The following TUSC3 variants were observed in gnomAD, a reference collection of about 807,000 sequenced individuals.
The protein encoded by TUSC3 is tumor suppressor candidate 3, also known as dolichyl-diphosphooligosaccharide--protein glycosyltransferase subunit TUSC3.
TUSC3 carries 45 observed loss-of-function variants against 44.8 expected under a neutral mutation model. That is an observed-to-expected ratio of 1.00 (90% CI 0.79 to 1.29). The LOEUF (loss-of-function observed/expected upper bound fraction) is 1.29, where lower values mean the gene tolerates loss of function less well. Ranked by LOEUF, TUSC3 falls within the 50% of genes most tolerant of loss-of-function variation. The probability of loss-of-function intolerance (pLI) is 0.00; values close to 1 mark genes in which losing one functional copy is unlikely to be tolerated. For synonymous variants in TUSC3, 212 were observed against 152.9 expected (o/e 1.39, Z -2.85); for missense variants, 519 against 437.9 (o/e 1.19, Z -1.65).
chr8:15,800,927 T>TA, the TUSC3 span, among the ~76,000 whole-genome samples: 2 of 152,190 alleles, frequency 1.3e-5, no homozygotes, highest in African/African-American at 4.8e-5. Flanking sequence ...TCTGGTCACT[T>TA]AATCATCTAT....
chr8:15,797,185 G>A, the TUSC3 span, among the ~76,000 whole-genome samples: 1 of 152,204 alleles, frequency 6.6e-6, no homozygotes, highest in South Asian at 2.1e-4. Flanking sequence ...AAAATGGAAA[G>A]CGTATTTCAG....
At chr8:15,583,648 T>C (rs1320633622) in intron 1 of TUSC3, among the ~76,000 whole-genome samples, 1 of 152,202 alleles carries the variant, frequency 6.6e-6, no homozygotes, top group African/African-American at 2.4e-5. Context: ...CTTAGTGGGA[T>C]AGCAGGATAG....
At chr8:15,816,555 G>A in the TUSC3 span, among the ~76,000 whole-genome samples, 1 of 152,136 alleles carries the variant, frequency 6.6e-6, no homozygotes, top group African/African-American at 2.4e-5. Context: ...CTATCCCTGG[G>A]AATTTCTGGA....
At chr8:15,517,522 C>CAAAAAAA (rs71211049) in intron 2 of TUSC3, among the ~76,000 whole-genome samples, 9 of 77,562 alleles carry the variant, frequency 1.2e-4, no homozygotes, top group African/African-American at 4.1e-4. Flanking sequence ...TAGCGTGAGG[C>CAAAAAAA]AAAAAAAAAA....
chr8:15,652,224 A>G (rs1321897089), intron 3 of TUSC3, among the ~76,000 whole-genome samples: 7 of 152,222 alleles, frequency 4.6e-5, no homozygotes, highest in Non-Finnish European at 7.3e-5. Context: ...ACTCTTTGGT[A>G]TAATGCTTAC....
chr8:15,711,463 CGT>C (rs36058270), intron 6 of TUSC3, among the ~76,000 whole-genome samples: 1,530 of 144,958 alleles, frequency 0.011, 15 homozygotes, highest in East Asian at 0.028. Flanking sequence ...CAAAAAGGTA[CGT>C]GTGTGTGTGT....
chr8:15,728,743 A>C (rs1473295608), intron 6 of TUSC3, among the ~76,000 whole-genome samples: 1 of 152,134 alleles, frequency 6.6e-6, no homozygotes, highest in African/African-American at 2.4e-5. Flanking sequence ...CTGGATGACA[A>C]CACCTGGGAA....
intron 4 of TUSC3, among the ~76,000 whole-genome samples, chr8:15,661,703 G>C (rs1479352339): frequency 6.6e-6 from 1 of 151,942 alleles, no homozygotes; most frequent in Non-Finnish European, 1.5e-5. Context: ...CTATACTACA[G>C]TCTTCGTGTT....
rs758547761 is a variant in TUSC3, at chr8:15,577,055, A to G, written c.138+36487A>G. ...TGTGGTTTTGATTTGCATTTCTCTGATGGCCAGTGATGATGAGCATTTTTT... is the reference window on the plus strand; with the variant it reads ...TGTGGTTTTGATTTGCATTTCTCTGGTGGCCAGTGATGATGAGCATTTTTT... On this transcript the variant is annotated intron_variant, in intron 1 of 10. Coordinates refer to ENST00000503731, the MANE Select transcript of TUSC3 (RefSeq NM_006765.4). 8.9e-3 allele frequency among the ~76,000 whole-genome samples: 1,269 copies of G among 142,888 alleles called. 9 individuals are homozygous for G. The highest frequency in any genetic ancestry group is 0.015 in the Non-Finnish European group (952 of 64,504). The allele number at this position is 142,888 out of a possible 152,430, so 93.7% of individuals were successfully genotyped here.
the TUSC3 span, among the ~76,000 whole-genome samples, chr8:15,836,998 A>G: frequency 6.6e-6 from 1 of 151,716 alleles, no homozygotes; most frequent in Non-Finnish European, 1.5e-5. Flanking sequence ...TTTTTTTTCT[A>G]TGTTAAATAA....
intron 1 of TUSC3, among the ~76,000 whole-genome samples, chr8:15,604,981 T>C (rs552466651): frequency 1.3e-5 from 2 of 152,014 alleles, no homozygotes; most frequent in South Asian, 4.1e-4. Context: ...GGTAAAGAGA[T>C]ACATAAAACT....
At position 15,623,253 on chromosome 8, in the gene TUSC3, AT is replaced by A. The variant is rs769035338; in HGVS notation, c.308+7del. The A allele has an allele frequency of 6.3e-7, 1 of 1,579,028 alleles. No homozygotes were observed. The highest frequency in any genetic ancestry group is 1.2e-5 in the South Asian group (1 of 82,366). On this transcript the variant is annotated splice_donor_5th_base_variant and intron_variant, in intron 2 of 10. Coordinates refer to ENST00000503731, the MANE Select transcript of TUSC3 (RefSeq NM_006765.4). ...AGCGGCAGTGTTCTGTGTGCAGGTA[AT>A]TTATGTAATTAAAAAATATTAAAAA...
chr8:15,680,531 C>G (rs565634325), intron 6 of TUSC3, among the ~76,000 whole-genome samples: 1 of 152,066 alleles, frequency 6.6e-6, no homozygotes, highest in Non-Finnish European at 1.5e-5. Flanking sequence ...ATATAGTCTG[C>G]AAAGAGAGAT....
At chr8:15,737,149 T>C (rs1042098972) in intron 7 of TUSC3, among the ~76,000 whole-genome samples, 1 of 152,146 alleles carries the variant, frequency 6.6e-6, no homozygotes, top group Non-Finnish European at 1.5e-5. Context: ...TTCCTTTTAA[T>C]GTGTTATATC....
intron 2 of TUSC3, among the ~76,000 whole-genome samples, chr8:15,493,849 C>A (rs1056473943): frequency 6.6e-6 from 1 of 152,156 alleles, no homozygotes; most frequent in African/African-American, 2.4e-5. Flanking sequence ...ACTGAAATAT[C>A]AAAATGTCTA....
intron 2 of TUSC3, among the ~76,000 whole-genome samples, chr8:15,634,863 G>C (rs775368130): frequency 1.3e-5 from 2 of 152,184 alleles, no homozygotes; most frequent in African/African-American, 4.8e-5. Flanking sequence ...TTTAGTATGA[G>C]AGATATAAGG....
At chr8:15,421,226 C>G (rs759274542) in intron 1 of TUSC3, among the ~76,000 whole-genome samples, 5 of 152,180 alleles carry the variant, frequency 3.3e-5, no homozygotes, top group Non-Finnish European at 7.3e-5. Context: ...GCCCCTGCAA[C>G]ATCCCCCTCA....
chr8:15,780,311 A>G, the TUSC3 span, among the ~76,000 whole-genome samples: 1 of 152,164 alleles, frequency 6.6e-6, no homozygotes, highest in Non-Finnish European at 1.5e-5. Context: ...GGAATTCCTA[A>G]CATACAGCTG....
At chr8:15,686,460 G>C (rs1163724312) in intron 6 of TUSC3, among the ~76,000 whole-genome samples, 1 of 151,826 alleles carries the variant, frequency 6.6e-6, no homozygotes, top group Non-Finnish European at 1.5e-5. Flanking sequence ...AAAATGACCT[G>C]CTGATTTAGT....
Sources: gnomAD v4.1 joint callset for allele counts (sites outside exome capture counted in the v4.1 genomes callset) on GRCh38, gnomAD v4.1.1 for gene constraint, MANE v1.5 for transcripts, NCBI Gene and HGNC (gene_info 2026-07-23, HGNC 2026-07-21) for gene names.